TMEM181: variants seen among roughly 807,000 people sequenced by gnomAD.
TMEM181 encodes G protein-coupled receptor 178.
In TMEM181, 39 loss-of-function variants were observed where a neutral mutation model predicts 71.9. That is an observed-to-expected ratio of 0.54 (90% confidence interval 0.42 to 0.71). The LOEUF (loss-of-function observed/expected upper bound fraction) is 0.71. Ranked by LOEUF, TMEM181 falls within the 30% of genes least tolerant of loss-of-function variation. TMEM181 has a pLI of 0.00. For missense variants in TMEM181, 595 were observed against 583.0 expected (o/e 1.02, Z -0.21); for synonymous variants, 245 against 228.8 (o/e 1.07, Z -0.64).
chr6:158,555,511 C>T (rs1295473660), upstream of TMEM181, among the ~76,000 whole-genome samples: 1 of 152,008 alleles, frequency 6.6e-6, no homozygotes, highest in African/African-American at 2.4e-5. Context: ...TTAAAGTAAG[C>T]AGAAAAAAAT....
chr6:158,567,767 A>C (rs1349214029), intron 1 of TMEM181, among the ~76,000 whole-genome samples: 1 of 152,164 alleles, frequency 6.6e-6, no homozygotes, highest in Non-Finnish European at 1.5e-5. Flanking sequence ...AACCTTCCTG[A>C]GTCTGAGCTT....
chr6:158,562,556 TATTA>T, intron 1 of TMEM181, among the ~76,000 whole-genome samples: 1 of 152,142 alleles, frequency 6.6e-6, no homozygotes, highest in Non-Finnish European at 1.5e-5. Flanking sequence ...TGTAGAAGTG[TATTA>T]ATTAGAACCA....
chr6:158,585,447 C>T (rs1463467978), intron 5 of TMEM181, 22 bp downstream of exon 5: 14 of 1,556,522 alleles, frequency 9.0e-6, no homozygotes, highest in African/African-American at 2.8e-5. Context: ...GGGTGAGCCC[C>T]ACAGTCAGTC....
chr6:158,560,377 C>A, intron 1 of TMEM181, 145 bp downstream of exon 1: 1 of 950,474 alleles, frequency 1.1e-6, no homozygotes, highest in Non-Finnish European at 1.3e-6. Flanking sequence ...CTGAAGGGGG[C>A]TTCGCGGGCG....
At chr6:158,560,929 G>T (rs1302750403) in intron 1 of TMEM181, among the ~76,000 whole-genome samples, 1 of 152,130 alleles carries the variant, frequency 6.6e-6, no homozygotes, top group East Asian at 1.9e-4. Context: ...AGTCGCCTAG[G>T]TGTCCCCCTG....
At chr6:158,538,062 A>T (rs1781193086) in intron 1 of TMEM181, among the ~76,000 whole-genome samples, 1 of 151,810 alleles carries the variant, frequency 6.6e-6, no homozygotes, top group Admixed American at 6.6e-5. Context: ...AAAAGAATCC[A>T]CAGTTTCATA....
intron 10 of TMEM181, among the ~76,000 whole-genome samples, chr6:158,614,405 T>C (rs2128322136): frequency 6.6e-6 from 1 of 152,372 alleles, no homozygotes; most frequent in South Asian, 2.1e-4. Context: ...AGAGAGAAAG[T>C]TGAATTTTAT....
chr6:158,563,909 G>A (rs1006377995), intron 1 of TMEM181, among the ~76,000 whole-genome samples: 2 of 152,124 alleles, frequency 1.3e-5, no homozygotes, highest in Non-Finnish European at 2.9e-5. Context: ...AGCCTCCCAA[G>A]AAGCTGGAAC....
intron 1 of TMEM181, chr6:158,572,474 T>C: frequency 2.2e-6 from 1 of 456,682 alleles, no homozygotes; most frequent in Non-Finnish European, 4.4e-6. Context: ...CTCTGGTCTG[T>C]GGGTCTCCTC....
chr6:158,603,558 C>T (rs1784785310), intron 6 of TMEM181, among the ~76,000 whole-genome samples: 1 of 149,568 alleles, frequency 6.7e-6, no homozygotes, highest in South Asian at 2.1e-4. Context: ...TTGTCCAAAG[C>T]TTCCCGATGC....
At chr6:158,586,612 G>C (rs138213768) in intron 5 of TMEM181, among the ~76,000 whole-genome samples, 493 of 151,882 alleles carry the variant, frequency 3.2e-3, no homozygotes, top group African/African-American at 0.011. Flanking sequence ...ATACTGCCTA[G>C]TTACTAGTGA....
chr6:158,590,620 T>C (rs920676183), intron 6 of TMEM181, among the ~76,000 whole-genome samples: 22 of 152,272 alleles, frequency 1.4e-4, no homozygotes, highest in East Asian at 5.8e-4. Flanking sequence ...TGTGCCACCA[T>C]GCCCAGCTAA....
chr6:158,579,949 G>A (rs970998903), intron 2 of TMEM181, among the ~76,000 whole-genome samples: 1 of 152,204 alleles, frequency 6.6e-6, no homozygotes, highest in Admixed American at 6.5e-5. Context: ...GATAGGCACA[G>A]TGTTTCAGTT....
intron 2 of TMEM181, among the ~76,000 whole-genome samples, chr6:158,576,521 A>G (rs1296182901): frequency 6.6e-6 from 1 of 152,088 alleles, no homozygotes; most frequent in Non-Finnish European, 1.5e-5. Context: ...GGAGTCAGAC[A>G]TAGAAGACCA....
rs953837415 is a variant in TMEM181 at position 158,632,014 on chromosome 6, A to AT, written c.*133dup. 3.1e-4 allele frequency: 314 copies of AT among 1,019,942 alleles called. No homozygotes were observed. Among genetic ancestry groups the AT allele is most frequent in the African/African-American group, 1.1e-3 (69 of 61,714 alleles). The allele number at this position is 1,019,942 out of a possible 1,614,324, so 63.2% of individuals were successfully genotyped here. A position where few individuals can be genotyped will look rare whatever the true frequency, so the allele number is the denominator to read the frequency against. The stretch of plus-strand genomic sequence containing the variant: ...AGATTTCCTGTTCATTTGTTTACAT[A>AT]TTTTTTTAAAGGAAAACCAAAACTG... On this transcript the variant is annotated 3_prime_UTR_variant, in exon 17 of 17. Transcript: ENST00000684151.
intron 13 of TMEM181, chr6:158,626,604 G>T (rs1786288736): frequency 2.2e-6 from 1 of 456,984 alleles, no homozygotes; most frequent in Non-Finnish European, 4.4e-6. Context: ...CTAGGAGTGT[G>T]AACTCAGCTC....
chr6:158,611,674 C>T (rs535605865), intron 10 of TMEM181: 53 of 276,658 alleles, frequency 1.9e-4, no homozygotes, highest in African/African-American at 8.3e-4. Flanking sequence ...CCTTTGGTGG[C>T]GGCCCCGCCC....
intron 13 of TMEM181, chr6:158,628,133 G>A (rs1169821471): frequency 3.3e-6 from 2 of 613,198 alleles, no homozygotes; most frequent in South Asian, 1.6e-5. Context: ...AGTAGGGAGA[G>A]TGTGATGGGG....
intron 13 of TMEM181, 61 bp from the exon 14 acceptor site, chr6:158,628,347 T>G: frequency 6.6e-7 from 1 of 1,516,972 alleles, no homozygotes. Flanking sequence ...GAGAATTCTC[T>G]GAAGCTAGTG....
Sources: gnomAD v4.1 joint callset for allele counts (sites outside exome capture counted in the v4.1 genomes callset) on GRCh38, gnomAD v4.1.1 for gene constraint, MANE v1.5 for transcripts, NCBI Gene and HGNC (gene_info 2026-07-23, HGNC 2026-07-21) for gene names.